PTPRD: variants seen among roughly 807,000 people sequenced by gnomAD.
PTPRD encodes the protein protein tyrosine phosphatase receptor type D.
PTPRD carries 34 observed loss-of-function variants against 214.5 expected under a neutral mutation model. The ratio of observed to expected loss-of-function variants is 0.16; its 90% CI spans 0.12 to 0.21. The LOEUF is 0.21. PTPRD is among the 10% of genes least tolerant of loss of function. The probability of loss-of-function intolerance (pLI) is 1.00; values close to 1 mark genes in which losing one functional copy is unlikely to be tolerated. For missense variants in PTPRD, 2,545 were observed against 2,398.7 expected, an observed-to-expected ratio of 1.06 and a Z score of -1.27; for synonymous variants, 1,128 against 845.7, an observed-to-expected ratio of 1.33 and a Z score of -5.79.
At chr9:10,016,402 T>TAGGTAGAC (rs1555471484) in intron 4 of PTPRD, among the ~76,000 whole-genome samples, 11 of 146,338 alleles carry the variant, frequency 7.5e-5, no homozygotes, top group Admixed American at 2.7e-4. Flanking sequence ...GATAGACAGA[T>TAGGTAGAC]AGATAGGGAA....
At chr9:9,693,743 G>A (rs1205457350) in intron 7 of PTPRD, among the ~76,000 whole-genome samples, 1 of 151,960 alleles carries the variant, frequency 6.6e-6, no homozygotes, top group African/African-American at 2.4e-5. Flanking sequence ...CCCTTTTGAG[G>A]ATATTTTCTA....
At chr9:9,624,437 C>T (rs2095352921) in intron 7 of PTPRD, among the ~76,000 whole-genome samples, 1 of 151,936 alleles carries the variant, frequency 6.6e-6, no homozygotes. Context: ...CATATGCCAC[C>T]ATGTCTGGCT....
chr9:9,011,607 A>G (rs1046925985), intron 11 of PTPRD, among the ~76,000 whole-genome samples: 4 of 152,138 alleles, frequency 2.6e-5, no homozygotes, highest in African/African-American at 9.7e-5. Context: ...TTCCCTGAAG[A>G]TTCTGCCTCT....
At chr9:9,958,618 T>C (rs111680575) in intron 4 of PTPRD, among the ~76,000 whole-genome samples, 1,626 of 152,206 alleles carry the variant, frequency 0.011, 27 homozygotes, top group African/African-American at 0.036. Flanking sequence ...AGACAAGAAA[T>C]AGTTGGGTAA....
intron 44 of PTPRD, among the ~76,000 whole-genome samples, chr9:8,323,153 T>C (rs183549670): frequency 6.6e-6 from 1 of 152,142 alleles, no homozygotes; most frequent in Non-Finnish European, 1.5e-5. Flanking sequence ...TGACTGAACA[T>C]TTTAAGGCCA....
At chr9:9,488,898 C>A (rs1393459071) in intron 8 of PTPRD, among the ~76,000 whole-genome samples, 1 of 152,064 alleles carries the variant, frequency 6.6e-6, no homozygotes, top group Non-Finnish European at 1.5e-5. Flanking sequence ...GCAAAAAGAA[C>A]CCCATTCTCC....
intron 14 of PTPRD, among the ~76,000 whole-genome samples, chr9:8,620,164 T>C (rs1026456452): frequency 6.6e-6 from 1 of 152,060 alleles, no homozygotes; most frequent in Non-Finnish European, 1.5e-5. Context: ...TTCTCTAGGA[T>C]TTTTTTCCTT....
At chr9:8,538,612 T>C (rs10977189) in intron 14 of PTPRD, among the ~76,000 whole-genome samples, 22,343 of 151,274 alleles carry the variant, frequency 0.15, 1,968 homozygotes, top group East Asian at 0.27. Context: ...GTTTTAAATA[T>C]ATATGTACAC....
At chr9:9,729,324 C>A (rs557859178) in intron 7 of PTPRD, among the ~76,000 whole-genome samples, 1 of 152,178 alleles carries the variant, frequency 6.6e-6, no homozygotes, top group African/African-American at 2.4e-5. Context: ...CATGCCTCCT[C>A]TACAATCTCC....
At chr9:9,182,244 G>A (rs1341496877) in intron 10 of PTPRD, among the ~76,000 whole-genome samples, 1 of 151,950 alleles carries the variant, frequency 6.6e-6, no homozygotes, top group African/African-American at 2.4e-5. Context: ...AAGGACCTTT[G>A]TGTACCTTCT....
intron 21 of PTPRD, among the ~76,000 whole-genome samples, chr9:8,516,941 A>G (rs2097791623): frequency 6.6e-6 from 1 of 151,134 alleles, no homozygotes; most frequent in Non-Finnish European, 1.5e-5. Context: ...CCTCCTGAGT[A>G]GCAGGAATTA....
At chr9:9,504,162 G>C (rs1398347862) in intron 8 of PTPRD, among the ~76,000 whole-genome samples, 2 of 151,676 alleles carry the variant, frequency 1.3e-5, no homozygotes, top group East Asian at 1.9e-4. Context: ...AAACTAGAGA[G>C]ATTGTAGTCT....
chr9:8,324,078 C>T (rs1054182340), intron 44 of PTPRD, among the ~76,000 whole-genome samples: 13 of 151,654 alleles, frequency 8.6e-5, no homozygotes, highest in East Asian at 5.8e-4. Flanking sequence ...TAAAACTTAC[C>T]GGAGGCTCAG....
chr9:10,465,925 A>G (rs554298465), intron 2 of PTPRD, among the ~76,000 whole-genome samples: 5 of 152,362 alleles, frequency 3.3e-5, no homozygotes, highest in African/African-American at 7.2e-5. Context: ...TAAATACTAT[A>G]TGAATATAAA....
At chr9:9,402,757 TG>T (rs952822097) in intron 8 of PTPRD, among the ~76,000 whole-genome samples, 1 of 151,336 alleles carries the variant, frequency 6.6e-6, no homozygotes, top group African/African-American at 2.4e-5. Context: ...CAATTTTCAG[TG>T]GGTACCCATT....
chr9:10,466,400 G>C (rs1667655765), intron 2 of PTPRD, among the ~76,000 whole-genome samples: 1 of 151,856 alleles, frequency 6.6e-6, no homozygotes, highest in African/African-American at 2.4e-5. Flanking sequence ...GAGGCGGGAG[G>C]ACCACCTGAA....
intron 8 of PTPRD, among the ~76,000 whole-genome samples, chr9:9,401,761 T>A (rs1043467505): frequency 4.6e-5 from 7 of 152,078 alleles, no homozygotes; most frequent in Non-Finnish European, 8.8e-5. Context: ...ATGGGGGTGG[T>A]TACCTCTATG....
chr9:9,101,940 C>A lies in PTPRD; in HGVS notation c.-143+81364G>T, dbSNP rs200762752. On this transcript the variant is annotated intron_variant, in intron 10 of 45. Transcript: ENST00000381196. ...TATTGATGTGAAGTAAATAATGATA[C>A]CTCTTGGCTATATTTGCATGGAATT... is the stretch of plus-strand genomic sequence containing the variant. Among the ~76,000 whole-genome samples, 3 of 152,152 alleles carry A rather than the reference C, an allele frequency of 2.0e-5. No homozygotes were observed. The East Asian group carries it at 5.8e-4, about 29-fold the overall frequency.
chr9:9,317,320 G>A (rs1027662277), intron 9 of PTPRD, among the ~76,000 whole-genome samples: 6 of 152,130 alleles, frequency 3.9e-5, no homozygotes, highest in Non-Finnish European at 5.9e-5. Context: ...TCAACCACCT[G>A]CTAAATATCT....
Sources: allele counts gnomAD v4.1 joint callset (sites outside exome capture counted in the v4.1 genomes callset), GRCh38; gene constraint gnomAD v4.1.1; transcripts MANE v1.5; gene names NCBI Gene and HGNC (gene_info 2026-07-23, HGNC 2026-07-21).